Variants in CLSTN2 observed in about 807,000 individuals in gnomAD.
CLSTN2 encodes calsyntenin 2.
CLSTN2 carries 48 observed loss-of-function variants against 101.2 expected under a neutral mutation model. That is an observed-to-expected ratio of 0.47 (90% CI 0.38 to 0.60). The LOEUF is 0.60. Ranked by LOEUF, CLSTN2 falls within the 20% of genes least tolerant of loss-of-function variation. The pLI is 0.00. For synonymous variants in CLSTN2, 481 were observed against 463.6 expected, an observed-to-expected ratio of 1.04 and a Z score of -0.48; for missense variants, 1,160 against 1,238.2, an observed-to-expected ratio of 0.94 and a Z score of 0.95.
At chr3:140,062,024 T>C (rs2008215134) in intron 1 of CLSTN2, among the ~76,000 whole-genome samples, 1 of 152,196 alleles carries the variant, frequency 6.6e-6, no homozygotes, top group South Asian at 2.1e-4. Context: ...CCAATTATTA[T>C]TATAGTTAGT....
intron 1 of CLSTN2, among the ~76,000 whole-genome samples, chr3:139,937,650 A>G (rs1046400425): frequency 1.3e-5 from 2 of 151,948 alleles, no homozygotes; most frequent in African/African-American, 2.4e-5. Context: ...AGGCTGAGGC[A>G]GGAGAATCAC....
intron 1 of CLSTN2, among the ~76,000 whole-genome samples, chr3:140,105,271 A>C (rs1254706633): frequency 6.6e-6 from 1 of 152,250 alleles, no homozygotes; most frequent in Non-Finnish European, 1.5e-5. Flanking sequence ...AACTATGCTT[A>C]GGACAGACTC....
At chr3:140,443,723 A>T (rs184801940) in intron 5 of CLSTN2, among the ~76,000 whole-genome samples, 11 of 152,318 alleles carry the variant, frequency 7.2e-5, no homozygotes, top group Admixed American at 7.2e-4. Context: ...GACACTCCTG[A>T]ACCAATTGGT....
intron 2 of CLSTN2, among the ~76,000 whole-genome samples, chr3:140,243,426 TA>T (rs2086488444): frequency 6.6e-6 from 1 of 152,220 alleles, no homozygotes; most frequent in Non-Finnish European, 1.5e-5. Context: ...ACATCTGGGT[TA>T]TATTGCTGTC....
chr3:140,514,620 C>T (rs978676123), intron 8 of CLSTN2, among the ~76,000 whole-genome samples: 2 of 152,080 alleles, frequency 1.3e-5, no homozygotes, highest in Non-Finnish European at 2.9e-5. Flanking sequence ...CATATAATGA[C>T]TTCTTTTCCT....
At chr3:140,382,069 G>T (rs1163327030) in intron 2 of CLSTN2, among the ~76,000 whole-genome samples, 4 of 152,124 alleles carry the variant, frequency 2.6e-5, no homozygotes, top group Non-Finnish European at 5.9e-5. Context: ...CCAAAATGCA[G>T]TGTGTAGGTA....
intron 1 of CLSTN2, among the ~76,000 whole-genome samples, chr3:139,977,446 G>C (rs1008949800): frequency 6.6e-6 from 1 of 152,154 alleles, no homozygotes; most frequent in Non-Finnish European, 1.5e-5. Flanking sequence ...TTCTTCTCTT[G>C]TTCTTCCAGA....
intron 1 of CLSTN2, among the ~76,000 whole-genome samples, chr3:139,939,238 A>G (rs904570181): frequency 3.9e-5 from 6 of 152,192 alleles, no homozygotes; most frequent in Admixed American, 2.0e-4. Context: ...TTAGTATGTC[A>G]CAGGCACTGT....
At chr3:140,240,174 C>CTCTCTCTATATATATA (rs1311225528) in intron 2 of CLSTN2, among the ~76,000 whole-genome samples, 1 of 13,352 alleles carries the variant, frequency 7.5e-5, no homozygotes, top group African/African-American at 1.1e-4. Flanking sequence ...CTCTCTCTCT[C>CTCTCTCTATATATATA]TATATATATA....
At chr3:140,317,706 G>A (rs2087242670) in intron 2 of CLSTN2, among the ~76,000 whole-genome samples, 1 of 152,172 alleles carries the variant, frequency 6.6e-6, no homozygotes, top group African/African-American at 2.4e-5. Context: ...GTATACAATT[G>A]TTAGAGAAAT....
intron 1 of CLSTN2, among the ~76,000 whole-genome samples, chr3:140,010,237 A>G (rs967024636): frequency 6.6e-6 from 1 of 151,982 alleles, no homozygotes; most frequent in Non-Finnish European, 1.5e-5. Context: ...CTTTTGGGAG[A>G]TTTCTGTACC....
chr3:140,307,634 A>T (rs1422135716), intron 2 of CLSTN2, among the ~76,000 whole-genome samples: 1 of 152,188 alleles, frequency 6.6e-6, no homozygotes, highest in Non-Finnish European at 1.5e-5. Flanking sequence ...CATAGAGGGT[A>T]CCCATTAAAT....
chr3:140,272,079 G>T (rs1231227807), intron 2 of CLSTN2, among the ~76,000 whole-genome samples: 2 of 152,214 alleles, frequency 1.3e-5, no homozygotes, highest in Non-Finnish European at 2.9e-5. Flanking sequence ...GAATTGGTGT[G>T]TGTGTGTCAA....
chr3:140,475,592 C>G (rs1559881023), intron 8 of CLSTN2, among the ~76,000 whole-genome samples: 1 of 152,220 alleles, frequency 6.6e-6, no homozygotes, highest in Admixed American at 6.5e-5. Context: ...CCCACTTCCC[C>G]TGCTTTCTCA....
chr3:140,034,067 A>G (rs1177717397), intron 1 of CLSTN2, among the ~76,000 whole-genome samples: 2 of 152,214 alleles, frequency 1.3e-5, no homozygotes, highest in Admixed American at 1.3e-4. Context: ...ATGACTCTAT[A>G]TTAAAAACAT....
rs533230016 is a variant in CLSTN2 at position 140,003,627 on chromosome 3, GT to G, written c.109+68153del. ...TGTTCCAGATCTTAGAGGAAAGGCTGTTTTTTTTTCCATTCAGTATGATACT... is the reference window on the plus strand; with the variant it reads ...TGTTCCAGATCTTAGAGGAAAGGCTGTTTTTTTTCCATTCAGTATGATACT... On this transcript the variant is annotated intron_variant, in intron 1 of 16. Transcript: ENST00000458420. Among the ~76,000 whole-genome samples the G allele has an allele frequency of 4.6e-5, 7 of 151,096 alleles. No individual in the cohort carries two copies. The East Asian group carries it at 7.8e-4, about 17-fold the overall frequency.
intron 2 of CLSTN2, among the ~76,000 whole-genome samples, chr3:140,185,838 G>T (rs965788157): frequency 6.6e-6 from 1 of 152,156 alleles, no homozygotes; most frequent in Admixed American, 6.5e-5. Flanking sequence ...GGGAGGGAGT[G>T]TGTGGTCCCT....
At chr3:140,430,685 C>T (rs978900448) in intron 5 of CLSTN2, among the ~76,000 whole-genome samples, 3 of 152,078 alleles carry the variant, frequency 2.0e-5, no homozygotes, top group Non-Finnish European at 4.4e-5. Flanking sequence ...TGATTAGATG[C>T]GTAGCAAAGC....
At chr3:140,226,904 G>A (rs947145017) in intron 2 of CLSTN2, among the ~76,000 whole-genome samples, 1 of 152,088 alleles carries the variant, frequency 6.6e-6, no homozygotes, top group Non-Finnish European at 1.5e-5. Flanking sequence ...ACTATCATGA[G>A]AACAGTGCAG....
Sources: gnomAD v4.1 joint callset for allele counts (sites outside exome capture counted in the v4.1 genomes callset) on GRCh38, gnomAD v4.1.1 for gene constraint, MANE v1.5 for transcripts, NCBI Gene and HGNC (gene_info 2026-07-23, HGNC 2026-07-21) for gene names.